The following PTK2 variants were observed in gnomAD, a reference collection of about 807,000 sequenced individuals.
PTK2 encodes focal adhesion kinase 1.
PTK2 carries 45 observed loss-of-function variants against 150.1 expected under a neutral mutation model. The ratio of observed to expected loss-of-function variants is 0.30; its 90% CI spans 0.24 to 0.38. The LOEUF (loss-of-function observed/expected upper bound fraction) is 0.38, where lower values mean the gene tolerates loss of function less well. Among genes scored for constraint, PTK2 ranks in the 10% least tolerant of loss-of-function variants. The pLI is 1.00. For synonymous variants in PTK2, 432 were observed against 449.2 expected (o/e 0.96, Z 0.48); for missense variants, 919 against 1,307.3 (o/e 0.70, Z 4.58).
Position 140,831,338 on chromosome 8 carries a change from G to GA in PTK2, c.594-813dup, listed in dbSNP as rs1409596205. Among the ~76,000 whole-genome samples the GA allele has an allele frequency of 2.6e-5, 4 of 152,256 alleles. No individual in the cohort carries two copies. The East Asian group carries it at 7.7e-4, about 29-fold the overall frequency. ...CTCTGACGACATTAAGGAACGTCAG[G>GA]AAACACATAAAAGGATCAAGGAGAA... On this transcript the variant is annotated intron_variant, in intron 7 of 31. Transcript: ENST00000522684.
At chr8:140,832,417 G>A (rs1158815536) in intron 7 of PTK2, among the ~76,000 whole-genome samples, 4 of 152,162 alleles carry the variant, frequency 2.6e-5, no homozygotes, top group African/African-American at 4.8e-5. Flanking sequence ...TAACACCTGC[G>A]AACCTCCGGT....
At chr8:140,693,560 C>A (rs2153903678) in intron 26 of PTK2, among the ~76,000 whole-genome samples, 7 of 64,890 alleles carry the variant, frequency 1.1e-4, no homozygotes, top group South Asian at 6.9e-4. Context: ...GACTTTGTCT[C>A]AATTAAAAAA....
chr8:140,659,497 A>T (rs762515280), exon 32 of PTK2: 1 of 1,613,058 alleles, frequency 6.2e-7, no homozygotes, highest in Non-Finnish European at 8.5e-7. Flanking sequence ...AAGCATTTTC[A>T]GTCTTGCTTG....
chr8:140,704,846 A>G (rs74368236), intron 24 of PTK2, among the ~76,000 whole-genome samples: 1 of 152,164 alleles, frequency 6.6e-6, no homozygotes, highest in East Asian at 1.9e-4. Flanking sequence ...CTTCCATGAG[A>G]AAAAAGAGTA....
At chr8:140,675,910 T>C (rs547093214) in intron 27 of PTK2, 1 of 159,858 alleles carries the variant, frequency 6.3e-6, no homozygotes, top group Admixed American at 6.3e-5. Flanking sequence ...TGACTGCATA[T>C]ACGCCCAAAG....
chr8:140,882,924 T>C (rs917563181), intron 3 of PTK2, among the ~76,000 whole-genome samples: 3 of 152,180 alleles, frequency 2.0e-5, no homozygotes, highest in Admixed American at 2.0e-4. Context: ...TTATCTCACA[T>C]TAATGAATAA....
At chr8:140,789,118 ACTT>A (rs1196522413) in intron 14 of PTK2, among the ~76,000 whole-genome samples, 2 of 152,214 alleles carry the variant, frequency 1.3e-5, no homozygotes, top group Non-Finnish European at 2.9e-5. Flanking sequence ...CATTTCCTGA[ACTT>A]CTTAAAATAA....
At chr8:140,839,490 G>A (rs542539900) in intron 7 of PTK2, among the ~76,000 whole-genome samples, 4 of 151,918 alleles carry the variant, frequency 2.6e-5, no homozygotes, top group South Asian at 2.1e-4. Context: ...AGAAATAAAC[G>A]GCACAAACAC....
chr8:140,861,732 CAA>C (rs1167392744), intron 5 of PTK2, among the ~76,000 whole-genome samples: 5 of 152,246 alleles, frequency 3.3e-5, no homozygotes, highest in African/African-American at 1.2e-4. Context: ...CAATTAAGCA[CAA>C]AGAGACTCAG....
intron 13 of PTK2, among the ~76,000 whole-genome samples, chr8:140,791,167 T>A (rs983773490): frequency 1.3e-4 from 20 of 152,166 alleles, no homozygotes; most frequent in Non-Finnish European, 7.3e-5. Flanking sequence ...TTCCTCTATG[T>A]GTGTGTGTGT....
At chr8:140,662,143 AAG>A (rs910173319) in intron 31 of PTK2, among the ~76,000 whole-genome samples, 27 of 152,062 alleles carry the variant, frequency 1.8e-4, no homozygotes, top group Non-Finnish European at 3.5e-4. Flanking sequence ...CAAAAAAATA[AAG>A]AATTAGCTGG....
intron 26 of PTK2, among the ~76,000 whole-genome samples, chr8:140,697,890 G>T (rs2100027823): frequency 9.7e-6 from 1 of 102,984 alleles, no homozygotes. Flanking sequence ...TTGCCACAGG[G>T]TCTTGCTAAG....
chr8:140,735,338 G>C, exon 22 of PTK2: 1 of 1,614,062 alleles, frequency 6.2e-7, no homozygotes, highest in South Asian at 1.1e-5. Context: ...GAGGGTAGGA[G>C]GACAATTTGG....
intron 23 of PTK2, among the ~76,000 whole-genome samples, chr8:140,713,023 T>C (rs950556860): frequency 6.6e-6 from 1 of 152,222 alleles, no homozygotes; most frequent in African/African-American, 2.4e-5. Context: ...TGTATAGTGC[T>C]TTCCTCAAGA....
At chr8:140,982,319 C>T (rs1184652884) in intron 1 of PTK2, among the ~76,000 whole-genome samples, 2 of 152,350 alleles carry the variant, frequency 1.3e-5, no homozygotes, top group East Asian at 3.9e-4. Flanking sequence ...GATACGGGGG[C>T]TGGGTGCGGA....
At chr8:140,862,737 G>A (rs1390540703) in intron 5 of PTK2, among the ~76,000 whole-genome samples, 1 of 152,138 alleles carries the variant, frequency 6.6e-6, no homozygotes, top group Non-Finnish European at 1.5e-5. Context: ...CTGTTGTGAG[G>A]TGCACGTGTG....
chr8:140,741,200 C>T (rs2100055449), intron 20 of PTK2, among the ~76,000 whole-genome samples: 1 of 151,548 alleles, frequency 6.6e-6, no homozygotes, highest in Admixed American at 6.6e-5. Flanking sequence ...GCCTGTAATC[C>T]CAGCACTTTG....
intron 22 of PTK2, among the ~76,000 whole-genome samples, chr8:140,719,056 G>T (rs1307927686): frequency 1.3e-5 from 2 of 152,034 alleles, no homozygotes; most frequent in African/African-American, 4.8e-5. Flanking sequence ...CGTGCCTGTA[G>T]TTCCAGCTAC....
At chr8:140,974,960 C>A (rs2100188734) in intron 1 of PTK2, among the ~76,000 whole-genome samples, 1 of 152,206 alleles carries the variant, frequency 6.6e-6, no homozygotes, top group South Asian at 2.1e-4. Flanking sequence ...TTCCTTCTCT[C>A]TCAGCCTTGC....
Sources: allele counts gnomAD v4.1 joint callset (sites outside exome capture counted in the v4.1 genomes callset), GRCh38; gene constraint gnomAD v4.1.1; transcripts MANE v1.5; gene names NCBI Gene and HGNC (gene_info 2026-07-23, HGNC 2026-07-21).